The following CCNY variants were observed in gnomAD, a reference collection of about 807,000 sequenced individuals.
CCNY encodes cyclin-Y.
A neutral mutation model predicts 42.8 loss-of-function variants in CCNY; 19 were observed. The observed-to-expected ratio is 0.44, with a 90% CI of 0.31 to 0.65. CCNY has a LOEUF of 0.65. Among genes scored for constraint, CCNY ranks in the 30% least tolerant of loss-of-function variants. The pLI, the probability that CCNY is intolerant of heterozygous loss-of-function variation, is 0.07. For missense variants in CCNY, 370 were observed against 437.3 expected (o/e 0.85, Z 1.37); for synonymous variants, 165 against 162.7 (o/e 1.01, Z -0.11).
intron 7 of CCNY, among the ~76,000 whole-genome samples, chr10:35,539,075 T>C (rs550081486): frequency 6.6e-6 from 1 of 152,194 alleles, no homozygotes; most frequent in Non-Finnish European, 1.5e-5. Context: ...ACCATAAACA[T>C]GAAGGTTTAT....
intron 3 of CCNY, among the ~76,000 whole-genome samples, chr10:35,305,984 A>T (rs1835601696): frequency 6.6e-6 from 1 of 152,204 alleles, no homozygotes; most frequent in Non-Finnish European, 1.5e-5. Flanking sequence ...AGTTTCCAGT[A>T]CAGTAACACA....
At chr10:35,370,006 G>A (rs1450076751) in intron 1 of CCNY, among the ~76,000 whole-genome samples, 2 of 152,174 alleles carry the variant, frequency 1.3e-5, no homozygotes, top group Non-Finnish European at 2.9e-5. Context: ...TTTTTAGTAA[G>A]CCTTAAAGTT....
At chr10:35,475,069 G>A (rs1423080194) in intron 1 of CCNY, among the ~76,000 whole-genome samples, 6 of 152,018 alleles carry the variant, frequency 3.9e-5, no homozygotes, top group Non-Finnish European at 5.9e-5. Flanking sequence ...GAAATGAAGC[G>A]AGAAGGAAAG....
chr10:35,287,132 G>A (rs1835363394), intron 3 of CCNY, among the ~76,000 whole-genome samples: 1 of 152,112 alleles, frequency 6.6e-6, no homozygotes, highest in African/African-American at 2.4e-5. Context: ...AAACTCAAAG[G>A]TTAGAATCTC....
chr10:35,396,682 A>G (rs563789658), intron 1 of CCNY, among the ~76,000 whole-genome samples: 3 of 152,334 alleles, frequency 2.0e-5, no homozygotes, highest in East Asian at 1.9e-4. Flanking sequence ...GACGCTTCCC[A>G]TGAGAAAAGA....
chr10:35,486,431 C>T (rs1307122215), intron 2 of CCNY, among the ~76,000 whole-genome samples: 1 of 152,254 alleles, frequency 6.6e-6, no homozygotes, highest in Non-Finnish European at 1.5e-5. Flanking sequence ...TGAACCTGAC[C>T]ACTATTTCCT....
chr10:35,423,622 T>C (rs1466518425), intron 1 of CCNY, among the ~76,000 whole-genome samples: 1 of 152,010 alleles, frequency 6.6e-6, no homozygotes, highest in Non-Finnish European at 1.5e-5. Flanking sequence ...GTTTGTTGAA[T>C]GGTGGCGGAT....
chr10:35,527,989 A>C (rs898017918), intron 5 of CCNY, among the ~76,000 whole-genome samples: 9 of 152,128 alleles, frequency 5.9e-5, no homozygotes, highest in African/African-American at 2.2e-4. Context: ...CGAGCTCTTA[A>C]TTCTCATTTA....
intron 1 of CCNY, among the ~76,000 whole-genome samples, chr10:35,400,808 G>T (rs537970862): frequency 6.6e-6 from 1 of 152,292 alleles, no homozygotes; most frequent in African/African-American, 2.4e-5. Flanking sequence ...GGAATGGAAT[G>T]GTTGCTGTTA....
At chr10:35,369,018 G>A (rs1836871938) in intron 1 of CCNY, among the ~76,000 whole-genome samples, 1 of 152,198 alleles carries the variant, frequency 6.6e-6, no homozygotes, top group Non-Finnish European at 1.5e-5. Flanking sequence ...GCAGTAACCT[G>A]CCTATTACTC....
intron 1 of CCNY, among the ~76,000 whole-genome samples, chr10:35,457,381 C>T (rs918334354): frequency 6.6e-6 from 1 of 152,204 alleles, no homozygotes; most frequent in African/African-American, 2.4e-5. Context: ...AGGTCTCTCT[C>T]GTGTGTACAC....
At chr10:35,297,528 C>T (rs532812305) in intron 3 of CCNY, among the ~76,000 whole-genome samples, 138 of 152,228 alleles carry the variant, frequency 9.1e-4, no homozygotes, top group African/African-American at 3.2e-3. Flanking sequence ...AAAAGGCATC[C>T]AAATAGGAAG....
chr10:35,391,491 C>T (rs138822719), intron 1 of CCNY, among the ~76,000 whole-genome samples: 1 of 152,140 alleles, frequency 6.6e-6, no homozygotes, highest in East Asian at 1.9e-4. Context: ...TTAGGACTGG[C>T]CGGAAGGTTG....
intron 1 of CCNY, among the ~76,000 whole-genome samples, chr10:35,428,606 CAGAG>C (rs141140368): frequency 2.0e-5 from 3 of 149,652 alleles, no homozygotes; most frequent in East Asian, 1.9e-4. Flanking sequence ...AGGGTGAAGG[CAGAG>C]AGAGAGAGAG....
chr10:35,509,837 T>G (rs1248749770), intron 3 of CCNY, among the ~76,000 whole-genome samples: 1 of 152,208 alleles, frequency 6.6e-6, no homozygotes, highest in Non-Finnish European at 1.5e-5. Context: ...TGAATTCCAC[T>G]CCACCCTGTA....
At chr10:35,448,267 G>A (rs1228692571) in intron 1 of CCNY, among the ~76,000 whole-genome samples, 1 of 152,156 alleles carries the variant, frequency 6.6e-6, no homozygotes, top group East Asian at 1.9e-4. Context: ...GGGCAGTCAC[G>A]AACAAAGCAG....
chr10:35,409,540 T>A (rs1283952632), intron 1 of CCNY, among the ~76,000 whole-genome samples: 1 of 151,930 alleles, frequency 6.6e-6, no homozygotes, highest in Non-Finnish European at 1.5e-5. Flanking sequence ...TCTCTGGAGG[T>A]CTGGGCATAG....
chr10:35,514,093 A>AAAC (rs924698457), intron 3 of CCNY, among the ~76,000 whole-genome samples: 2 of 151,578 alleles, frequency 1.3e-5, no homozygotes, highest in Non-Finnish European at 2.9e-5. Flanking sequence ...AAAAAAAAAA[A>AAAC]AAAACAGAGA....
intron 1 of CCNY, among the ~76,000 whole-genome samples, chr10:35,421,870 G>T (rs1303523344): frequency 3.3e-5 from 5 of 152,032 alleles, no homozygotes; most frequent in Admixed American, 6.6e-5. Flanking sequence ...AATTTCTGTG[G>T]GCCAGATATG....
Sources: gnomAD v4.1 joint callset for allele counts (sites outside exome capture counted in the v4.1 genomes callset) on GRCh38, gnomAD v4.1.1 for gene constraint, MANE v1.5 for transcripts, NCBI Gene and HGNC (gene_info 2026-07-23, HGNC 2026-07-21) for gene names.